Variants in CHCHD3 observed in about 807,000 individuals in gnomAD.
CHCHD3 encodes coiled-coil-helix-coiled-coil-helix domain containing 3, also known as MICOS complex subunit MIC19.
In CHCHD3, 20 loss-of-function variants were observed where a neutral mutation model predicts 38.2. The ratio of observed to expected loss-of-function variants is 0.52; its 90% CI spans 0.37 to 0.76. The LOEUF is 0.76. CHCHD3 is among the 30% of genes least tolerant of loss of function. CHCHD3 has a pLI of 0.00. For missense variants in CHCHD3, 245 were observed against 279.2 expected (o/e 0.88, Z 0.87); for synonymous variants, 82 against 100.0 (o/e 0.82, Z 1.07).
At chr7:132,846,585 C>T (rs939999677) in intron 5 of CHCHD3, among the ~76,000 whole-genome samples, 1 of 152,226 alleles carries the variant, frequency 6.6e-6, no homozygotes, top group African/African-American at 2.4e-5. Context: ...CCACCTAGTC[C>T]ATAAGCTCCA....
At chr7:133,032,155 C>T (rs920640311) in intron 2 of CHCHD3, among the ~76,000 whole-genome samples, 1 of 152,040 alleles carries the variant, frequency 6.6e-6, no homozygotes, top group African/African-American at 2.4e-5. Context: ...GTTTATTATC[C>T]ATTTGTGGCA....
At chr7:132,882,044 C>A (rs10271218) in intron 5 of CHCHD3, among the ~76,000 whole-genome samples, 46,216 of 151,986 alleles carry the variant, frequency 0.3, 7,739 homozygotes, top group Non-Finnish European at 0.38. Context: ...AATATTAATT[C>A]TATGATTATC....
intron 3 of CHCHD3, among the ~76,000 whole-genome samples, chr7:133,005,476 AGG>A: frequency 6.6e-6 from 1 of 152,262 alleles, no homozygotes; most frequent in Admixed American, 6.5e-5. Context: ...ATTTTTAAAA[AGG>A]AATTTGAAAA....
At chr7:132,976,752 A>G (rs1735726641) in intron 3 of CHCHD3, among the ~76,000 whole-genome samples, 1 of 152,180 alleles carries the variant, frequency 6.6e-6, no homozygotes, top group African/African-American at 2.4e-5. Flanking sequence ...TTTTAAAAAG[A>G]TTTTTGAAAA....
At chr7:132,883,836 C>T (rs1333810413) in intron 5 of CHCHD3, among the ~76,000 whole-genome samples, 1 of 152,174 alleles carries the variant, frequency 6.6e-6, no homozygotes, top group Non-Finnish European at 1.5e-5. Context: ...GTGTCCTGAG[C>T]TTAACATATC....
intron 3 of CHCHD3, among the ~76,000 whole-genome samples, chr7:132,997,848 A>G (rs953755759): frequency 6.6e-6 from 1 of 152,166 alleles, no homozygotes; most frequent in African/African-American, 2.4e-5. Flanking sequence ...GATGATGGCT[A>G]TCATGGAGAT....
At chr7:132,942,927 C>G in intron 4 of CHCHD3, among the ~76,000 whole-genome samples, 1 of 152,102 alleles carries the variant, frequency 6.6e-6, no homozygotes, top group Non-Finnish European at 1.5e-5. Flanking sequence ...CTATTGCTTA[C>G]AGCATGTCCA....
chr7:133,069,591 G>A (rs1475478058), intron 2 of CHCHD3, among the ~76,000 whole-genome samples: 1 of 152,152 alleles, frequency 6.6e-6, no homozygotes, highest in Non-Finnish European at 1.5e-5. Context: ...AGAGAAAAGG[G>A]AGAAGAAACA....
chr7:132,945,584 C>G (rs540452633), intron 4 of CHCHD3, among the ~76,000 whole-genome samples: 1 of 151,892 alleles, frequency 6.6e-6, no homozygotes, highest in South Asian at 2.1e-4. Context: ...AAAGAGGGGT[C>G]TGAAGAAAAC....
rs187519497 is a variant in CHCHD3, at chr7:132,994,505, G to A, written c.252-19219C>T. Among the ~76,000 whole-genome samples, 477 of 152,260 alleles carry A rather than the reference G, an allele frequency of 3.1e-3. 4 individuals are homozygous for A. Among genetic ancestry groups the A allele is most frequent in the Non-Finnish European group, 2.0e-3 (133 of 68,016 alleles). ...CCAATCTGAGGGAAGAGTGATATCC[G>A]TTTTTGAAAGCTAGGAGTCTAATGA... On this transcript the variant is annotated intron_variant, in intron 3 of 7. Coordinates refer to ENST00000262570, the MANE Select transcript of CHCHD3 (RefSeq NM_017812.4).
At chr7:132,785,757 A>G in intron 7 of CHCHD3, 97 bp from the exon 8 acceptor site, 1 of 1,288,152 alleles carries the variant, frequency 7.8e-7, no homozygotes, top group Admixed American at 2.0e-5. Context: ...CTTTTCAAAT[A>G]TCTAATTTTA....
intron 4 of CHCHD3, among the ~76,000 whole-genome samples, chr7:132,966,525 C>T (rs543073926): frequency 1.1e-3 from 172 of 152,210 alleles, no homozygotes; most frequent in African/African-American, 3.8e-3. Context: ...ATCCAATACA[C>T]GAAAATGAAG....
At chr7:132,804,025 C>A (rs573725342) in intron 6 of CHCHD3, among the ~76,000 whole-genome samples, 1 of 151,922 alleles carries the variant, frequency 6.6e-6, no homozygotes, top group South Asian at 2.1e-4. Flanking sequence ...ATTTTTCCTG[C>A]AGAAAACCTC....
At chr7:133,037,859 CTAA>C (rs1401848359) in intron 2 of CHCHD3, among the ~76,000 whole-genome samples, 1 of 152,104 alleles carries the variant, frequency 6.6e-6, no homozygotes, top group African/African-American at 2.4e-5. Context: ...CAAAATGATA[CTAA>C]TGATTACCTT....
chr7:132,875,419 G>GT (rs1428688095), intron 5 of CHCHD3, among the ~76,000 whole-genome samples: 1 of 152,204 alleles, frequency 6.6e-6, no homozygotes, highest in African/African-American at 2.4e-5. Context: ...CCTATTTAAT[G>GT]TTTATTTTCA....
At chr7:133,063,342 A>G (rs1009059650) in intron 2 of CHCHD3, among the ~76,000 whole-genome samples, 5 of 152,056 alleles carry the variant, frequency 3.3e-5, no homozygotes, top group African/African-American at 1.2e-4. Context: ...CTGCCACTCT[A>G]CCTAGACCAG....
At chr7:133,020,964 G>C (rs933715949) in intron 3 of CHCHD3, among the ~76,000 whole-genome samples, 1 of 148,142 alleles carries the variant, frequency 6.8e-6, no homozygotes, top group Non-Finnish European at 1.5e-5. Context: ...GGATAAGAGG[G>C]GGGCCGGCGG....
rs1257849504 is a variant in CHCHD3, at chr7:132,985,686, G to GT, written c.252-10401_252-10400insA. 2.5e-5 allele frequency among the ~76,000 whole-genome samples: 2 copies of GT among 79,696 alleles called. 1 individual carries two copies. The highest frequency in any genetic ancestry group is 2.7e-4 in the Admixed American group (2 of 7,410). 52.3% of individuals were successfully genotyped at this position (79,696 alleles called of 152,430 possible). On this transcript the variant is annotated intron_variant, in intron 3 of 7. Coordinates refer to ENST00000262570, the MANE Select transcript of CHCHD3 (RefSeq NM_017812.4). ...CCCATCCGGGAGGGAGGTGGGGGGG[G>GT]GGTCAGCCCCCCGCCCGGCCAGCCG...
chr7:132,976,155 A>G (rs1356454692), intron 3 of CHCHD3, among the ~76,000 whole-genome samples: 1 of 152,054 alleles, frequency 6.6e-6, no homozygotes, highest in African/African-American at 2.4e-5. Flanking sequence ...CTCCCAGTAT[A>G]TTACCCCTAT....
Sources: allele counts gnomAD v4.1 joint callset (sites outside exome capture counted in the v4.1 genomes callset), GRCh38; gene constraint gnomAD v4.1.1; transcripts MANE v1.5; gene names NCBI Gene and HGNC (gene_info 2026-07-23, HGNC 2026-07-21).